The following COP1 variants were observed in gnomAD, a reference collection of about 807,000 sequenced individuals.
The protein encoded by COP1 is COP1 E3 ubiquitin ligase.
Under a neutral mutation model 101.3 loss-of-function variants are expected in COP1, and 24 were observed. That is an observed-to-expected ratio of 0.24 (90% CI 0.17 to 0.33). The LOEUF is 0.33. COP1 is among the 10% of genes least tolerant of loss of function. The pLI, the probability that COP1 is intolerant of heterozygous loss-of-function variation, is 1.00. For missense variants in COP1, 663 were observed against 906.2 expected (o/e 0.73, Z 3.45); for synonymous variants, 347 against 341.9 (o/e 1.01, Z -0.17).
chr1:175,988,097 A>C (rs978381795), intron 17 of COP1, among the ~76,000 whole-genome samples, 191 bp downstream of exon 17: 7 of 152,202 alleles, frequency 4.6e-5, no homozygotes, highest in Non-Finnish European at 8.8e-5. Flanking sequence ...CTACACAATA[A>C]AAAAGGGAAG....
intron 1 of COP1, among the ~76,000 whole-genome samples, chr1:176,197,764 T>C (rs1430804457): frequency 6.6e-6 from 1 of 152,200 alleles, no homozygotes; most frequent in Non-Finnish European, 1.5e-5. Context: ...ACTGTTTTCT[T>C]ACAAATCCTA....
At chr1:176,111,301 T>G (rs2481635) in intron 9 of COP1, among the ~76,000 whole-genome samples, 123,187 of 152,004 alleles carry the variant, frequency 0.81, 50,707 homozygotes, top group East Asian at 0.99. Context: ...TATTTATTTT[T>G]TGTGTGTGTG....
intron 15 of COP1, among the ~76,000 whole-genome samples, chr1:176,023,735 A>AAAAAAAAGAAAAG (rs1553225858): frequency 9.3e-6 from 1 of 107,416 alleles, no homozygotes; most frequent in African/African-American, 3.2e-5. Context: ...AAAAAAAAAA[A>AAAAAAAAGAAAAG]AAAAGAAAAG....
chr1:175,991,301 T>C (rs898194582), intron 15 of COP1, among the ~76,000 whole-genome samples: 1 of 152,190 alleles, frequency 6.6e-6, no homozygotes, highest in Non-Finnish European at 1.5e-5. Flanking sequence ...GTTACTGTAC[T>C]GAATGCTGTA....
In COP1 at chr1:176,102,844, T is replaced by A. The variant is rs547936394; in HGVS notation, c.1026+13780A>T. On this transcript the variant is annotated intron_variant, in intron 9 of 19. Transcript: ENST00000367669. ...CAGATAGATTAACTGGCTCATCTGA[T>A]CTTGTGGCCCTGGCCCAGGAATTGA... Among the ~76,000 whole-genome samples the A allele has an allele frequency of 7.2e-5, 11 of 152,266 alleles. No homozygotes were observed. In the East Asian group the frequency reaches 9.7e-4, roughly 13 times the overall value.
chr1:175,988,536 G>A lies in COP1; in HGVS notation c.1848-124C>T, dbSNP rs1657648679. The A allele has an allele frequency of 4.8e-5, 44 of 919,032 alleles. 1 individual carries two copies. The South Asian group carries it at 9.6e-4, about 20-fold the overall frequency. The allele number at this position is 919,032 out of a possible 1,614,324, so 56.9% of individuals were successfully genotyped here. On this transcript the variant is annotated intron_variant, in intron 16 of 19. Coordinates refer to ENST00000367669, the MANE Select transcript of COP1 (RefSeq NM_022457.7). ...CAGGCTCTGGAGCCAGACTGAGTTA[G>A]CACGTTCATCTGTCGGCCAGGCGTG...
intron 12 of COP1, among the ~76,000 whole-genome samples, chr1:176,045,935 T>C (rs1247789654): frequency 6.6e-6 from 1 of 151,214 alleles, no homozygotes; most frequent in Non-Finnish European, 1.5e-5. Context: ...CTTTATTTGA[T>C]TAAGTGAAAG....
At chr1:175,994,288 T>C (rs1025305469) in intron 15 of COP1, among the ~76,000 whole-genome samples, 1 of 152,072 alleles carries the variant, frequency 6.6e-6, no homozygotes, top group African/African-American at 2.4e-5. Flanking sequence ...CACTGCAAAA[T>C]CATGCCAAAT....
chr1:176,022,372 C>G (rs180914130), intron 15 of COP1, among the ~76,000 whole-genome samples: 39 of 152,194 alleles, frequency 2.6e-4, no homozygotes, highest in Non-Finnish European at 3.4e-4. Flanking sequence ...TTTTCTACCT[C>G]TCAAAACTCC....
At chr1:176,073,658 T>C (rs1677415532) in intron 11 of COP1, among the ~76,000 whole-genome samples, 1 of 152,220 alleles carries the variant, frequency 6.6e-6, no homozygotes, top group Non-Finnish European at 1.5e-5. Flanking sequence ...AGAGTGAACT[T>C]CACTGTATGT....
intron 6 of COP1, among the ~76,000 whole-genome samples, chr1:176,144,885 T>C (rs1307322644): frequency 6.6e-6 from 1 of 152,052 alleles, no homozygotes. Flanking sequence ...TAGATCTAAA[T>C]ATGAAAGATA....
intron 18 of COP1, among the ~76,000 whole-genome samples, chr1:175,961,440 T>C (rs1167576931): frequency 1.3e-5 from 2 of 151,658 alleles, no homozygotes; most frequent in Non-Finnish European, 2.9e-5. Context: ...AGATATCACA[T>C]GCCAGATAAT....
chr1:176,111,150 T>C (rs1447865672), intron 9 of COP1, among the ~76,000 whole-genome samples: 1 of 152,028 alleles, frequency 6.6e-6, no homozygotes, highest in Non-Finnish European at 1.5e-5. Flanking sequence ...AGACCTTGTC[T>C]CAAAAAATAA....
chr1:176,171,371 C>T (rs1424210030), intron 3 of COP1, among the ~76,000 whole-genome samples: 1 of 152,172 alleles, frequency 6.6e-6, no homozygotes, highest in Non-Finnish European at 1.5e-5. Context: ...CCTCTCTGAG[C>T]CTTCACAGAA....
chr1:176,036,214 G>A (rs1669515656), intron 14 of COP1, among the ~76,000 whole-genome samples: 2 of 151,952 alleles, frequency 1.3e-5, no homozygotes, highest in African/African-American at 4.8e-5. Context: ...TAAAAAGACA[G>A]AAGTATCAAA....
In COP1 at chr1:175,977,684, CCAGA is replaced by C. The variant is rs370664619; in HGVS notation, c.2133+9255_2133+9258del. On this transcript the variant is annotated intron_variant, in intron 18 of 19. Transcript: ENST00000367669. ...AAATACAAAAAAAAGTTTCTTTTCC[CCAGA>C]CAATCTGTATATTCTTAAATTAGTA... Among the ~76,000 whole-genome samples the C allele has an allele frequency of 3.0e-3, 457 of 152,152 alleles. 3 individuals carry two copies. The highest frequency in any genetic ancestry group is 8.5e-3 in the African/African-American group (353 of 41,538).
At chr1:176,037,971 C>A (rs1557976042) in intron 14 of COP1, among the ~76,000 whole-genome samples, 1 of 152,080 alleles carries the variant, frequency 6.6e-6, no homozygotes, top group African/African-American at 2.4e-5. Context: ...GAAAGAAAGG[C>A]ATACAGTTGA....
chr1:176,202,315 G>C (rs1482176265), intron 1 of COP1, among the ~76,000 whole-genome samples: 1 of 149,438 alleles, frequency 6.7e-6, no homozygotes, highest in African/African-American at 2.5e-5. Context: ...TCAGCTTCTT[G>C]AGTAGCTGGG....
chr1:175,995,724 A>G (rs1440913727), intron 15 of COP1, among the ~76,000 whole-genome samples: 3 of 152,210 alleles, frequency 2.0e-5, no homozygotes, highest in Admixed American at 6.5e-5. Context: ...GAATAGACCA[A>G]TAACAGGCTC....
Sources: allele counts gnomAD v4.1 joint callset (sites outside exome capture counted in the v4.1 genomes callset), GRCh38; gene constraint gnomAD v4.1.1; transcripts MANE v1.5; gene names NCBI Gene and HGNC (gene_info 2026-07-23, HGNC 2026-07-21).